The following ESYT3 variants were observed in gnomAD, a reference collection of about 807,000 sequenced individuals.
The protein encoded by ESYT3 is extended synaptotagmin 3.
In ESYT3, 101 loss-of-function variants were observed where a neutral mutation model predicts 111.5. The ratio of observed to expected loss-of-function variants is 0.91; its 90% CI spans 0.77 to 1.07. The LOEUF (loss-of-function observed/expected upper bound fraction) is 1.07, where lower values mean the gene tolerates loss of function less well. ESYT3 is among the 50% of genes least tolerant of loss of function. ESYT3 has a pLI of 0.00. For synonymous variants in ESYT3, 416 were observed against 446.8 expected (o/e 0.93, Z 0.87); for missense variants, 1,097 against 1,109.4 (o/e 0.99, Z 0.16).
chr3:138,455,248 G>A lies in ESYT3; in HGVS notation c.424G>A (p.Glu142Lys). The A allele has an allele frequency of 6.2e-7, 1 of 1,614,100 alleles. No individual in the cohort carries two copies. The highest frequency in any genetic ancestry group is 8.5e-7 in the Non-Finnish European group (1 of 1,180,016). ...CATGATCATGGAAAGCAAGTTCCGG[G>A]AGAAACTTGAGCCCAAGATCCGAGA... ...LSMIMESKFR[E>K]KLEPKIREKS... The change falls in exon 3 of 23, where the codon GAG (glutamate) becomes AAG (lysine). Residue 142 changes from glutamate to lysine, a missense_variant. Glu to Lys is a moderately conservative substitution (Grantham distance 56). Transcript: ENST00000389567.
At chr3:138,459,391 C>A (rs2032490083) in intron 5 of ESYT3, 138 bp downstream of exon 5, 1 of 614,858 alleles carries the variant, frequency 1.6e-6, no homozygotes. Context: ...TACGGAGGAG[C>A]TGTAGGCCTG....
intron 6 of ESYT3, 96 bp downstream of exon 6, chr3:138,460,130 T>C: frequency 9.1e-7 from 1 of 1,096,496 alleles, no homozygotes; most frequent in Admixed American, 1.9e-5. Context: ...AGAATGGACA[T>C]TGTCCCAGCC....
rs1458654535 is a variant in ESYT3 at position 138,472,512 on chromosome 3, C to T, written c.1890C>T (p.Pro630=). The change falls in exon 18 of 23, where the codon CCC becomes CCT. Residue 630 remains proline, a synonymous_variant. Coordinates refer to ENST00000389567, the MANE Select transcript of ESYT3 (RefSeq NM_031913.5). The part of the protein sequence containing the change: ...QEEGPTDLPC[P]PDPASDTKDV... ...AAGGCCCTACAGATTTGCCATGTCC[C>T]CCAGACCCTGCTTCTGATACTAAGG... is the stretch of plus-strand genomic sequence containing the variant. 2.5e-6 allele frequency: 4 copies of T among 1,614,102 alleles called. No individual in the cohort carries two copies. The African/African-American group carries it at 5.3e-5, about 22-fold the overall frequency.
chr3:138,456,503 T>C (rs1411977596), intron 3 of ESYT3, among the ~76,000 whole-genome samples: 1 of 152,184 alleles, frequency 6.6e-6, no homozygotes, highest in Non-Finnish European at 1.5e-5. Context: ...TCAGTCAGGC[T>C]GCTCCTCTGG....
chr3:138,439,560 G>A lies in ESYT3; in HGVS notation c.327+4435G>A, dbSNP rs76857355. Among the ~76,000 whole-genome samples the A allele has an allele frequency of 1.8e-3, 271 of 152,306 alleles. 1 individual carries two copies. The highest frequency in any genetic ancestry group is 6.3e-3 in the African/African-American group (261 of 41,564). On this transcript the variant is annotated intron_variant, in intron 1 of 22. Coordinates refer to ENST00000389567, the MANE Select transcript of ESYT3 (RefSeq NM_031913.5). ...AGGGGCCCCTGCGTGGAGCTCTGCA[G>A]CCTTCACTCCTGGATTTGTGCACAG...
rs1229801480 is a variant in ESYT3, at chr3:138,470,137, C to G, written c.1581C>G (p.Leu527=). 6.2e-7 allele frequency: 1 copy of G among 1,612,280 alleles called. No homozygotes were observed. Among genetic ancestry groups the G allele is most frequent in the Non-Finnish European group, 8.5e-7 (1 of 1,178,850 alleles). Residue 527 remains leucine (L), a synonymous_variant, in exon 16 of 23, where the codon CTC becomes CTG. Transcript: ENST00000389567. ...TGCACAATGTGGCCACTGAGCGGCT[C>G]CATCTGAAGGTTTGATGGAAGAAGG... ...FFVHNVATER[L]HLKVLDDDQE... is the part of the protein sequence containing the mutation.
In ESYT3 at chr3:138,472,356, C is replaced by T; in HGVS notation, c.1741-7C>T. The T allele has an allele frequency of 6.2e-7, 1 of 1,612,260 alleles. No individual in the cohort carries two copies. The highest frequency in any genetic ancestry group is 8.5e-7 in the Non-Finnish European group (1 of 1,179,214). On this transcript the variant is annotated splice_polypyrimidine_tract_variant and splice_region_variant and intron_variant, in intron 17 of 22. Coordinates refer to ENST00000389567, the MANE Select transcript of ESYT3 (RefSeq NM_031913.5). ...AGCTCATAAGCCACCCTCTTATCTGCTTGCAGTTCCTGCAAGTGGAGGAAC... is the reference window on the plus strand; with the variant it reads ...AGCTCATAAGCCACCCTCTTATCTGTTTGCAGTTCCTGCAAGTGGAGGAAC...
intron 8 of ESYT3, among the ~76,000 whole-genome samples, chr3:138,463,893 G>A (rs1241554340): frequency 3.3e-5 from 5 of 152,196 alleles, no homozygotes; most frequent in Non-Finnish European, 7.3e-5. Context: ...CAGTGTTGGG[G>A]CCTTTAGGAG....
intron 9 of ESYT3, 122 bp from the exon 10 acceptor site, chr3:138,465,217 G>T: frequency 1.5e-6 from 1 of 654,824 alleles, no homozygotes; most frequent in South Asian, 1.9e-5. Context: ...TATGGGTGGG[G>T]TTCTTGAGGC....
At chr3:138,455,625 C>A (rs1279748452) in intron 3 of ESYT3, among the ~76,000 whole-genome samples, 7 of 152,210 alleles carry the variant, frequency 4.6e-5, no homozygotes, top group Non-Finnish European at 8.8e-5. Flanking sequence ...ACTTTGAAGA[C>A]ACGCCATGGT....
chr3:138,460,253 T>A (rs1185417225), intron 6 of ESYT3, among the ~76,000 whole-genome samples: 2 of 152,194 alleles, frequency 1.3e-5, no homozygotes, highest in Non-Finnish European at 2.9e-5. Context: ...GTCACACAGA[T>A]GGTCTGAATT....
chr3:138,478,429 T>C lies in ESYT3; in HGVS notation c.*1575T>C, dbSNP rs768956261. 2.0e-5 allele frequency: 3 copies of C among 152,204 alleles called. No homozygotes were observed. The highest frequency in any genetic ancestry group is 4.4e-5 in the Non-Finnish European group (3 of 68,032). 9.4% of individuals were successfully genotyped at this position (152,204 alleles called of 1,614,324 possible). A position where few individuals can be genotyped will look rare whatever the true frequency, so the allele number is the denominator to read the frequency against. On this transcript the variant is annotated 3_prime_UTR_variant, in exon 23 of 23. Transcript: ENST00000389567. Reference sequence around the variant, plus strand: ...ATTGATGCCTACCCTGTCTACCTTATGATGGCATTCTAATTGCCCCCTAAA... The same window carrying C: ...ATTGATGCCTACCCTGTCTACCTTACGATGGCATTCTAATTGCCCCCTAAA...
intron 1 of ESYT3, among the ~76,000 whole-genome samples, chr3:138,451,159 C>T (rs2031898858): frequency 6.6e-6 from 1 of 152,256 alleles, no homozygotes; most frequent in South Asian, 2.1e-4. Flanking sequence ...GACTGTCCCT[C>T]CACTCCACTC....
At chr3:138,453,011 G>T (rs1285143634) in intron 2 of ESYT3, among the ~76,000 whole-genome samples, 1 of 152,194 alleles carries the variant, frequency 6.6e-6, no homozygotes, top group African/African-American at 2.4e-5. Context: ...TTCAGCCTAG[G>T]AGTTCAAGGC....
rs1272519295 is a variant in ESYT3, at chr3:138,479,285, TAACC to T, written c.*2434_*2437del. ...TGATTGTTCACAAGATATAAACAAATAACCAAAGATTTTTGCAAGGGTTCAGAAA... is the reference window on the plus strand; with the variant it reads ...TGATTGTTCACAAGATATAAACAAATAAAGATTTTTGCAAGGGTTCAGAAA... On this transcript the variant is annotated 3_prime_UTR_variant, in exon 23 of 23. Transcript: ENST00000389567. 6.6e-6 allele frequency: 1 copy of T among 152,130 alleles called. No homozygotes were observed. Among genetic ancestry groups the T allele is most frequent in the African/African-American group, 2.4e-5 (1 of 41,426 alleles). The allele number at this position is 152,130 out of a possible 1,614,324, so 9.4% of individuals were successfully genotyped here.
At chr3:138,447,315 C>T (rs1395113943) in intron 1 of ESYT3, among the ~76,000 whole-genome samples, 3 of 152,092 alleles carry the variant, frequency 2.0e-5, no homozygotes, top group Non-Finnish European at 4.4e-5. Context: ...ATTGACAATC[C>T]TACAGACTGT....
rs2030518933 is a variant in ESYT3, at chr3:138,434,934, C to T, written c.136C>T (p.Leu46=). Residue 46 remains leucine, a synonymous_variant, in exon 1 of 23, where the codon CTG becomes TTG. Transcript: ENST00000389567. The stretch of plus-strand genomic sequence containing the variant: ...CTTCGTGGTGCGCGTGCTGTTCTAC[C>T]TGGGGCCTGTCTACCTAGCTGGCTA... The part of the protein sequence containing the change: ...CTFVVRVLFY[L]GPVYLAGYLG... 1.3e-6 allele frequency: 2 copies of T among 1,552,452 alleles called. No individual in the cohort carries two copies. Among genetic ancestry groups the T allele is most frequent in the East Asian group, 2.4e-5 (1 of 41,118 alleles).
rs752716471 is a variant in ESYT3, at chr3:138,472,689, C to T, written c.2067C>T (p.Phe689=). The T allele has an allele frequency of 5.6e-6, 9 of 1,614,100 alleles. No individual in the cohort carries two copies. The African/African-American group carries it at 1.2e-4, about 22-fold the overall frequency. Residue 689 remains phenylalanine (F), a synonymous_variant, in exon 18 of 23, where the codon TTC becomes TTT. Coordinates refer to ENST00000389567, the MANE Select transcript of ESYT3 (RefSeq NM_031913.5). The stretch of plus-strand genomic sequence containing the variant: ...AGAAGAAGAGTCCAGCCACCATCTT[C>T]CTGACTGTCCCAGGTCCCCACTCTC... ...IGEKKSPATI[F]LTVPGPHSPG...
chr3:138,443,366 G>GA (rs1403198360), intron 1 of ESYT3, among the ~76,000 whole-genome samples: 1 of 152,098 alleles, frequency 6.6e-6, no homozygotes, highest in Non-Finnish European at 1.5e-5. Flanking sequence ...AAGAACAGAG[G>GA]AAAAAAAGGA....
Sources: allele counts gnomAD v4.1 joint callset (sites outside exome capture counted in the v4.1 genomes callset), GRCh38; gene constraint gnomAD v4.1.1; transcripts MANE v1.5; gene names NCBI Gene and HGNC (gene_info 2026-07-23, HGNC 2026-07-21).